Variants in DLG2 observed in about 807,000 individuals in gnomAD.
The protein encoded by DLG2 is disks large homolog 2.
Under a neutral mutation model 132.5 loss-of-function variants are expected in DLG2, and 45 were observed. The observed-to-expected ratio is 0.34, with a 90% CI of 0.27 to 0.44. The LOEUF is 0.44. DLG2 is among the 20% of genes least tolerant of loss of function. The probability of loss-of-function intolerance (pLI) is 1.00; values close to 1 mark genes in which losing one functional copy is unlikely to be tolerated. For missense variants in DLG2, 1,045 were observed against 1,196.9 expected (o/e 0.87, Z 1.87); for synonymous variants, 424 against 419.6 (o/e 1.01, Z -0.13).
chr11:83,569,260 C>A (rs1197483564), intron 19 of DLG2, among the ~76,000 whole-genome samples: 1 of 151,578 alleles, frequency 6.6e-6, no homozygotes, highest in African/African-American at 2.4e-5. Flanking sequence ...ATTCTTAAGA[C>A]AGTCTCTGAA....
At position 85,045,642 on chromosome 11, in the gene DLG2, G is replaced by C. The variant is rs540851394; in HGVS notation, c.357+66019C>G. Among the ~76,000 whole-genome samples the C allele has an allele frequency of 1.1e-4, 16 of 151,926 alleles. 1 individual carries two copies. The highest frequency in any genetic ancestry group is 5.3e-4 in the Admixed American group (8 of 15,228). On this transcript the variant is annotated intron_variant, in intron 6 of 27. Transcript: ENST00000376104. ...GCACCTGCTTGAAAATAATTAAACT[G>C]GATTTCAAAAGTAAAACAAAATATT... is the stretch of plus-strand genomic sequence containing the variant.
intron 8 of DLG2, among the ~76,000 whole-genome samples, chr11:84,176,802 C>T (rs1006752284): frequency 1.8e-4 from 28 of 152,146 alleles, no homozygotes; most frequent in Admixed American, 1.6e-3. Flanking sequence ...TCAACTGGGA[C>T]GCTGATAGGA....
At chr11:84,776,084 C>T (rs1054790534) in intron 6 of DLG2, among the ~76,000 whole-genome samples, 1 of 152,028 alleles carries the variant, frequency 6.6e-6, no homozygotes, top group African/African-American at 2.4e-5. Context: ...ATTATTTAAC[C>T]TATTAAGTAT....
At chr11:85,575,485 A>T (rs1250681421) in intron 3 of DLG2, among the ~76,000 whole-genome samples, 1 of 151,348 alleles carries the variant, frequency 6.6e-6, no homozygotes, top group East Asian at 1.9e-4. Flanking sequence ...GACTGCAATA[A>T]GCCATGATTG....
At chr11:84,854,863 T>C (rs1314029405) in intron 6 of DLG2, among the ~76,000 whole-genome samples, 1 of 152,014 alleles carries the variant, frequency 6.6e-6, no homozygotes, top group African/African-American at 2.4e-5. Context: ...ACTCATCACA[T>C]ATTTCTATTA....
intron 6 of DLG2, among the ~76,000 whole-genome samples, chr11:84,709,440 T>A (rs2060130092): frequency 6.6e-6 from 1 of 151,996 alleles, no homozygotes; most frequent in African/African-American, 2.4e-5. Context: ...GATTACTACA[T>A]GTGAGACATT....
At chr11:85,188,560 A>G (rs1231503384) in intron 4 of DLG2, among the ~76,000 whole-genome samples, 1 of 152,222 alleles carries the variant, frequency 6.6e-6, no homozygotes, top group African/African-American at 2.4e-5. Flanking sequence ...CAATGACTTT[A>G]AAGCAAATAT....
chr11:84,637,388 C>G (rs553409307), intron 6 of DLG2, among the ~76,000 whole-genome samples: 1 of 152,298 alleles, frequency 6.6e-6, no homozygotes, highest in Non-Finnish European at 1.5e-5. Context: ...AGCTCTGCTG[C>G]TAGACAGTGA....
At chr11:84,062,444 G>A (rs1234271859) in intron 10 of DLG2, among the ~76,000 whole-genome samples, 1 of 152,176 alleles carries the variant, frequency 6.6e-6, no homozygotes, top group Non-Finnish European at 1.5e-5. Context: ...AGATCTGAAA[G>A]TTCTTGCTAT....
intron 3 of DLG2, among the ~76,000 whole-genome samples, chr11:85,324,787 A>AACAGCTCCGGTCT (rs2152831397): frequency 6.6e-6 from 1 of 152,258 alleles, no homozygotes; most frequent in East Asian, 1.9e-4. Flanking sequence ...GCCGAATAGG[A>AACAGCTCCGGTCT]ACAGCTCCGG....
At chr11:85,136,846 T>C (rs1014567755) in intron 5 of DLG2, among the ~76,000 whole-genome samples, 5 of 152,174 alleles carry the variant, frequency 3.3e-5, no homozygotes, top group Non-Finnish European at 7.4e-5. Context: ...AATATGGTAC[T>C]GGCACTTAAG....
chr11:84,641,435 C>T (rs538834266), intron 6 of DLG2, among the ~76,000 whole-genome samples: 64 of 152,090 alleles, frequency 4.2e-4, no homozygotes, highest in Non-Finnish European at 7.4e-4. Context: ...CTTTGATTTC[C>T]GGAGATGGGC....
intron 3 of DLG2, among the ~76,000 whole-genome samples, chr11:85,361,085 A>G (rs2084111254): frequency 6.6e-6 from 1 of 152,162 alleles, no homozygotes; most frequent in South Asian, 2.1e-4. Context: ...GACTTGTACA[A>G]GGTCACACAA....
chr11:83,947,997 G>T (rs772440890), intron 14 of DLG2, among the ~76,000 whole-genome samples: 4 of 152,150 alleles, frequency 2.6e-5, no homozygotes, highest in Non-Finnish European at 5.9e-5. Context: ...GAAAGTATCT[G>T]TGCAGTACTA....
intron 15 of DLG2, among the ~76,000 whole-genome samples, chr11:83,916,305 A>AG (rs906459762): frequency 1.3e-5 from 2 of 151,546 alleles, no homozygotes; most frequent in South Asian, 2.1e-4. Context: ...TTTTAAATTT[A>AG]GGGTTTTTTT....
intron 6 of DLG2, among the ~76,000 whole-genome samples, chr11:84,958,650 A>C (rs1296404506): frequency 6.6e-6 from 1 of 152,164 alleles, no homozygotes; most frequent in Non-Finnish European, 1.5e-5. Context: ...TCAATAAAAC[A>C]CCAGAGTCAT....
At chr11:84,349,685 G>C (rs1008886950) in intron 7 of DLG2, among the ~76,000 whole-genome samples, 1 of 152,140 alleles carries the variant, frequency 6.6e-6, no homozygotes, top group Admixed American at 6.5e-5. Flanking sequence ...ATTCTGAACA[G>C]TCTTAACTAA....
In DLG2 at chr11:85,022,138, CTAAT is replaced by C. The variant is rs1448707151; in HGVS notation, c.357+89519_357+89522del. Among the ~76,000 whole-genome samples, 5 of 151,680 alleles carry C rather than the reference CTAAT, an allele frequency of 3.3e-5. No homozygotes were observed. The South Asian group carries it at 8.3e-4, about 25-fold the overall frequency. On this transcript the variant is annotated intron_variant, in intron 6 of 27. Transcript: ENST00000376104. ...GGACACTTTCAAACATATTTAGAGA[CTAAT>C]TAATAGACTTAAGGCACTATGGTTA...
At chr11:84,840,952 GTGT>G (rs1167195143) in intron 6 of DLG2, among the ~76,000 whole-genome samples, 3 of 150,118 alleles carry the variant, frequency 2.0e-5, no homozygotes, top group African/African-American at 4.9e-5. Flanking sequence ...ACAAACCTAC[GTGT>G]TGTGCTCATG....
Sources: gnomAD v4.1 joint callset for allele counts (sites outside exome capture counted in the v4.1 genomes callset) on GRCh38, gnomAD v4.1.1 for gene constraint, MANE v1.5 for transcripts, NCBI Gene and HGNC (gene_info 2026-07-23, HGNC 2026-07-21) for gene names.